The following NRXN3 variants were observed in gnomAD, a reference collection of about 807,000 sequenced individuals.
NRXN3 encodes the protein neurexin 3, also known as neurexin III.
NRXN3 carries 32 observed loss-of-function variants against 137.6 expected under a neutral mutation model. The observed-to-expected ratio is 0.23, with a 90% CI of 0.18 to 0.31. The LOEUF is 0.31. Ranked by LOEUF, NRXN3 falls within the 10% of genes least tolerant of loss-of-function variation. The probability of loss-of-function intolerance (pLI) is 1.00; values close to 1 mark genes in which losing one functional copy is unlikely to be tolerated. For missense variants in NRXN3, 1,574 were observed against 2,062.5 expected, an observed-to-expected ratio of 0.76 and a Z score of 4.59; for synonymous variants, 798 against 784.5, an observed-to-expected ratio of 1.02 and a Z score of -0.29.
At chr14:79,299,184 C>T (rs1021174851) in intron 15 of NRXN3, among the ~76,000 whole-genome samples, 1 of 152,106 alleles carries the variant, frequency 6.6e-6, no homozygotes, top group African/African-American at 2.4e-5. Flanking sequence ...TGAAAAGATA[C>T]AGCACCATCC....
At chr14:78,860,565 G>T (rs1366019693) in intron 10 of NRXN3, among the ~76,000 whole-genome samples, 2 of 151,990 alleles carry the variant, frequency 1.3e-5, no homozygotes, top group Non-Finnish European at 2.9e-5. Context: ...TGTCACTTTA[G>T]GTTATGACAA....
chr14:79,191,106 G>A (rs889567124), intron 15 of NRXN3, among the ~76,000 whole-genome samples: 1 of 152,158 alleles, frequency 6.6e-6, no homozygotes, highest in Non-Finnish European at 1.5e-5. Context: ...TTGGATGAAG[G>A]CCTGAGTATC....
intron 4 of NRXN3, among the ~76,000 whole-genome samples, chr14:78,505,171 A>T (rs12435691): frequency 0.026 from 3,930 of 152,206 alleles, 78 homozygotes; most frequent in Non-Finnish European, 0.037. Flanking sequence ...TGCAGGCTGA[A>T]GTCAACCTAC....
At chr14:79,393,080 GT>G (rs765954666) in intron 15 of NRXN3, among the ~76,000 whole-genome samples, 16 of 151,702 alleles carry the variant, frequency 1.1e-4, no homozygotes, top group African/African-American at 3.9e-4. Context: ...TGAAACCATT[GT>G]GGAAGTCAGC....
Position 79,175,521 on chromosome 14 carries a change from G to T in NRXN3, c.3262+187380G>T, listed in dbSNP as rs536811497. ...TATCAATATGACTGTAAACTTTATA[G>T]AGATCTTTTTAATACATGAATAGGA... On this transcript the variant is annotated intron_variant, in intron 15 of 20. Transcript: ENST00000335750. Among the ~76,000 whole-genome samples, 14 of 152,302 alleles carry T rather than the reference G, an allele frequency of 9.2e-5. No individual in the cohort carries two copies. In the East Asian group the frequency reaches 2.7e-3, roughly 29 times the overall value.
chr14:79,752,196 T>G (rs1237310292), intron 19 of NRXN3, among the ~76,000 whole-genome samples: 8 of 150,038 alleles, frequency 5.3e-5, no homozygotes, highest in Non-Finnish European at 1.2e-4. Flanking sequence ...TGAATCCATC[T>G]GGTCCTGGAC....
chr14:78,236,737 C>CG (rs1491165389), intron 1 of NRXN3, among the ~76,000 whole-genome samples: 4 of 145,466 alleles, frequency 2.7e-5, no homozygotes, highest in Non-Finnish European at 6.1e-5. Context: ...ATTCCCCCCC[C>CG]CCTTTTTTTT....
intron 4 of NRXN3, among the ~76,000 whole-genome samples, chr14:78,429,810 G>A (rs1567566304): frequency 6.6e-6 from 1 of 152,206 alleles, no homozygotes; most frequent in Non-Finnish European, 1.5e-5. Context: ...CTGAAAATAT[G>A]TGTTAGTATT....
At chr14:79,174,536 CT>C (rs2062113682) in intron 15 of NRXN3, among the ~76,000 whole-genome samples, 1 of 136,366 alleles carries the variant, frequency 7.3e-6, no homozygotes, top group Non-Finnish European at 1.6e-5. Context: ...CATATATATG[CT>C]TTGATCAGAA....
At chr14:78,735,559 AG>A (rs2098537555) in intron 8 of NRXN3, among the ~76,000 whole-genome samples, 1 of 152,132 alleles carries the variant, frequency 6.6e-6, no homozygotes, top group Admixed American at 6.5e-5. Context: ...AGTTTGGTTA[AG>A]GCAAAACAGA....
At chr14:79,500,038 T>G (rs1250711787) in intron 16 of NRXN3, among the ~76,000 whole-genome samples, 1 of 151,578 alleles carries the variant, frequency 6.6e-6, no homozygotes, top group Non-Finnish European at 1.5e-5. Flanking sequence ...TAAGAAGTGT[T>G]GTGGTTTTTT....
At chr14:78,660,086 A>G (rs1302688011) in intron 6 of NRXN3, among the ~76,000 whole-genome samples, 1 of 151,976 alleles carries the variant, frequency 6.6e-6, no homozygotes, top group Non-Finnish European at 1.5e-5. Flanking sequence ...TGGCTGTAAA[A>G]AAGTGGTATG....
intron 4 of NRXN3, among the ~76,000 whole-genome samples, chr14:78,527,312 C>G (rs12883210): frequency 0.68 from 103,579 of 152,046 alleles, 35,523 homozygotes; most frequent in East Asian, 0.72. Flanking sequence ...CATGGCAGAA[C>G]GAAAGGGGGA....
intron 15 of NRXN3, among the ~76,000 whole-genome samples, chr14:79,346,861 A>C (rs990191603): frequency 2.0e-5 from 3 of 152,154 alleles, no homozygotes; most frequent in African/African-American, 7.2e-5. Context: ...CTTCAAGTTC[A>C]TGAGGTCTGT....
intron 15 of NRXN3, among the ~76,000 whole-genome samples, chr14:79,057,915 A>G (rs1314285865): frequency 6.6e-6 from 1 of 152,188 alleles, no homozygotes. Context: ...AGTAGAATTT[A>G]TAATATATTA....
intron 16 of NRXN3, among the ~76,000 whole-genome samples, chr14:79,544,706 A>G (rs777343274): frequency 6.6e-6 from 1 of 152,090 alleles, no homozygotes; most frequent in Non-Finnish European, 1.5e-5. Context: ...AGCCTAGATC[A>G]CTCTCCCAAG....
chr14:79,000,420 T>G (rs904163283), intron 15 of NRXN3, among the ~76,000 whole-genome samples: 1 of 152,228 alleles, frequency 6.6e-6, no homozygotes, highest in Non-Finnish European at 1.5e-5. Context: ...CTGTAATTTC[T>G]GTAAAGGTAA....
intron 15 of NRXN3, chr14:79,314,155 G>A (rs1181077396): frequency 2.0e-5 from 3 of 149,238 alleles, no homozygotes; most frequent in Non-Finnish European, 3.0e-5. Context: ...CTGAGGTACC[G>A]GGTTCATCTC....
intron 16 of NRXN3, among the ~76,000 whole-genome samples, chr14:79,533,083 T>G (rs1177740169): frequency 2.4e-4 from 5 of 20,496 alleles, no homozygotes; most frequent in Admixed American, 4.6e-4. Flanking sequence ...TAGATTTTAA[T>G]AATTTCTTAT....
Sources: allele counts gnomAD v4.1 joint callset (sites outside exome capture counted in the v4.1 genomes callset), GRCh38; gene constraint gnomAD v4.1.1; transcripts MANE v1.5; gene names NCBI Gene and HGNC (gene_info 2026-07-23, HGNC 2026-07-21).